Variants in PLCB4 observed in about 807,000 individuals in gnomAD.
PLCB4 encodes the protein 1-phosphatidylinositol 4,5-bisphosphate phosphodiesterase beta-4.
Under a neutral mutation model 178.8 loss-of-function variants are expected in PLCB4, and 77 were observed. The ratio of observed to expected loss-of-function variants is 0.43; its 90% CI spans 0.36 to 0.52. The LOEUF is 0.52. Ranked by LOEUF, PLCB4 falls within the 20% of genes least tolerant of loss-of-function variation. The pLI, the probability that PLCB4 is intolerant of heterozygous loss-of-function variation, is 0.00. For missense variants in PLCB4, 1,024 were observed against 1,453.4 expected (o/e 0.70, Z 4.80); for synonymous variants, 496 against 490.8 (o/e 1.01, Z -0.14).
chr20:9,450,094 C>T (rs2042660421), intron 32 of PLCB4, among the ~76,000 whole-genome samples: 1 of 152,180 alleles, frequency 6.6e-6, no homozygotes, highest in Non-Finnish European at 1.5e-5. Context: ...ACAAATTCTT[C>T]TGAATGCTAT....
intron 3 of PLCB4, among the ~76,000 whole-genome samples, chr20:9,290,390 G>A (rs2094570292): frequency 6.6e-6 from 1 of 152,126 alleles, no homozygotes; most frequent in Non-Finnish European, 1.5e-5. Context: ...GAAACACCAT[G>A]TGAACTCTTT....
At chr20:9,438,867 A>G (rs2148655378) in intron 30 of PLCB4, among the ~76,000 whole-genome samples, 1 of 152,334 alleles carries the variant, frequency 6.6e-6, no homozygotes, top group African/African-American at 2.4e-5. Context: ...GTTGTTCTGG[A>G]GGACAGTAGC....
chr20:9,204,735 A>C (rs930275558), intron 2 of PLCB4, among the ~76,000 whole-genome samples: 3 of 152,140 alleles, frequency 2.0e-5, no homozygotes, highest in Non-Finnish European at 2.9e-5. Flanking sequence ...CATGTTAAAG[A>C]GACTGCCACT....
At chr20:9,375,812 C>T (rs569605822) in intron 12 of PLCB4, among the ~76,000 whole-genome samples, 26 of 152,114 alleles carry the variant, frequency 1.7e-4, no homozygotes, top group Admixed American at 6.5e-4. Flanking sequence ...GCAAGGTAAC[C>T]AGAGAAACAA....
At position 9,476,114 on chromosome 20, in the gene PLCB4, G is replaced by T. The variant is rs191273396; in HGVS notation, c.3496-603G>T. On this transcript the variant is annotated intron_variant, in intron 38 of 39. Coordinates refer to ENST00000378473, the MANE Select transcript of PLCB4 (RefSeq NM_001377142.1). ...GGCCTGGAATGGATTCAGTCCATTA[G>T]CTAAACCAGTGTTGGGGGCACTGGC... 1.1e-4 allele frequency among the ~76,000 whole-genome samples: 17 copies of T among 152,292 alleles called. No homozygotes were observed. In the East Asian group the frequency reaches 3.1e-3, roughly 28 times the overall value.
chr20:9,170,579 T>C (rs2093048177), intron 2 of PLCB4, among the ~76,000 whole-genome samples: 1 of 152,234 alleles, frequency 6.6e-6, no homozygotes, highest in Non-Finnish European at 1.5e-5. Context: ...AGATTGTGTT[T>C]GAGGATACAG....
intron 26 of PLCB4, among the ~76,000 whole-genome samples, chr20:9,420,433 T>G (rs58667985): frequency 0.16 from 23,601 of 151,714 alleles, 3,061 homozygotes; most frequent in African/African-American, 0.34. Flanking sequence ...CTCCTCCCGG[T>G]TTCAAGTGAT....
intron 3 of PLCB4, among the ~76,000 whole-genome samples, chr20:9,290,511 A>G (rs2094571415): frequency 6.6e-6 from 1 of 152,198 alleles, no homozygotes; most frequent in Admixed American, 6.6e-5. Flanking sequence ...GGAAGCAAAC[A>G]TGTTTTAAAA....
intron 10 of PLCB4, among the ~76,000 whole-genome samples, chr20:9,371,498 T>G (rs2036251790): frequency 6.6e-6 from 1 of 152,092 alleles, no homozygotes; most frequent in Non-Finnish European, 1.5e-5. Flanking sequence ...CTTCCTCCCT[T>G]CCTTCCTTTT....
At chr20:9,327,275 CA>C (rs1395155502) in intron 4 of PLCB4, among the ~76,000 whole-genome samples, 5 of 131,766 alleles carry the variant, frequency 3.8e-5, no homozygotes, top group Admixed American at 2.1e-4. Context: ...TCTGTCTCTA[CA>C]AAAAAAAATT....
chr20:9,275,770 G>A (rs2094445278), intron 3 of PLCB4, among the ~76,000 whole-genome samples: 1 of 152,122 alleles, frequency 6.6e-6, no homozygotes, highest in Admixed American at 6.5e-5. Context: ...TGCTTATTTT[G>A]TCCAAGTGAC....
At chr20:9,414,871 T>C (rs1486070348) in intron 25 of PLCB4, among the ~76,000 whole-genome samples, 4 of 152,210 alleles carry the variant, frequency 2.6e-5, no homozygotes, top group Non-Finnish European at 4.4e-5. Flanking sequence ...GATATCAAAA[T>C]GGTATGACAT....
At chr20:9,102,528 T>G (rs1426416817) in intron 2 of PLCB4, among the ~76,000 whole-genome samples, 9 of 152,236 alleles carry the variant, frequency 5.9e-5, no homozygotes, top group Non-Finnish European at 1.2e-4. Context: ...GTGTATTAAC[T>G]AATAACATTT....
At chr20:9,214,455 C>T (rs970520957) in intron 2 of PLCB4, among the ~76,000 whole-genome samples, 1 of 152,084 alleles carries the variant, frequency 6.6e-6, no homozygotes, top group Admixed American at 6.5e-5. Context: ...TTTGCATTAA[C>T]ACTGATACAA....
intron 27 of PLCB4, 71 bp downstream of exon 27, chr20:9,421,532 A>G (rs2040636759): frequency 1.6e-6 from 2 of 1,220,244 alleles, no homozygotes; most frequent in African/African-American, 3.0e-5. Context: ...CAGACGCTAC[A>G]CGATACAGGG....
intron 3 of PLCB4, among the ~76,000 whole-genome samples, chr20:9,276,642 C>CT: frequency 6.6e-6 from 1 of 152,172 alleles, no homozygotes; most frequent in African/African-American, 2.4e-5. Flanking sequence ...AGTCCCTGCT[C>CT]TTTCTTCCCA....
chr20:9,203,058 T>A (rs199611156), intron 2 of PLCB4, among the ~76,000 whole-genome samples: 6,069 of 115,604 alleles, frequency 0.052, 162 homozygotes, highest in Non-Finnish European at 0.07. Context: ...AAAAAAAAAA[T>A]ATATATATAT....
intron 3 of PLCB4, among the ~76,000 whole-genome samples, chr20:9,217,717 G>A (rs535983847): frequency 6.6e-6 from 1 of 152,274 alleles, no homozygotes; most frequent in South Asian, 2.1e-4. Context: ...AGTGTTGCCC[G>A]CATTTAGTAA....
At chr20:9,139,803 T>A (rs2092452112) in intron 2 of PLCB4, among the ~76,000 whole-genome samples, 1 of 152,106 alleles carries the variant, frequency 6.6e-6, no homozygotes, top group Non-Finnish European at 1.5e-5. Flanking sequence ...ATGAATTGCC[T>A]ATAGCCTCTG....
Sources: allele counts gnomAD v4.1 joint callset (sites outside exome capture counted in the v4.1 genomes callset), GRCh38; gene constraint gnomAD v4.1.1; transcripts MANE v1.5; gene names NCBI Gene and HGNC (gene_info 2026-07-23, HGNC 2026-07-21).